CWH43: variants seen among roughly 807,000 people sequenced by gnomAD.
CWH43 encodes the protein cell wall biogenesis 43 C-terminal homolog.
Under a neutral mutation model 85.7 loss-of-function variants are expected in CWH43, and 91 were observed. The ratio of observed to expected loss-of-function variants is 1.06; its 90% CI spans 0.90 to 1.26. CWH43 has a LOEUF of 1.26. Ranked by LOEUF, CWH43 falls within the 50% of genes most tolerant of loss-of-function variation. The probability of loss-of-function intolerance (pLI) is 0.00; values close to 1 mark genes in which losing one functional copy is unlikely to be tolerated. For missense variants in CWH43, 869 were observed against 839.2 expected, an observed-to-expected ratio of 1.04 and a Z score of -0.44; for synonymous variants, 323 against 293.6, an observed-to-expected ratio of 1.10 and a Z score of -1.02.
chr4:49,052,633 T>G (rs1202894099), intron 15 of CWH43, among the ~76,000 whole-genome samples: 3 of 152,140 alleles, frequency 2.0e-5, no homozygotes, highest in Non-Finnish European at 4.4e-5. Flanking sequence ...CCAAATAAAA[T>G]ATTTTTGGCT....
chr4:49,019,133 C>G (rs1298522742), intron 9 of CWH43, among the ~76,000 whole-genome samples: 1 of 152,132 alleles, frequency 6.6e-6, no homozygotes, highest in African/African-American at 2.4e-5. Flanking sequence ...ACAAGTTGGA[C>G]AAGAACCTGC....
At chr4:49,041,710 T>C (rs965628466) in intron 13 of CWH43, among the ~76,000 whole-genome samples, 25 of 152,302 alleles carry the variant, frequency 1.6e-4, no homozygotes, top group African/African-American at 6.0e-4. Context: ...TTGGAATCTG[T>C]GTTCTACCTT....
rs764845594 is a variant in CWH43 at position 49,032,654 on chromosome 4, T to A, written c.1597T>A (p.Leu533Met). 1.2e-6 allele frequency: 2 copies of A among 1,610,064 alleles called. No homozygotes were observed. The highest frequency in any genetic ancestry group is 1.7e-5 in the Admixed American group (1 of 59,542). The change falls in exon 12 of 16, where the codon TTG becomes ATG. Residue 533 changes from leucine (L) to methionine (M), a missense_variant. By Grantham distance (15) the Leu-to-Met change is conservative (BLOSUM62 2). This residue lies in a region of CWH43 where 577 missense variants were observed against 513.1 expected (regional missense o/e 1.12). Coordinates refer to ENST00000226432, the MANE Select transcript of CWH43 (RefSeq NM_025087.3). ...PEGEIAPAIT[L>M]TVNISGKLVD... ...GGGCGAGATCGCACCAGCCATCACA[T>A]TGACCGTTAACATTTCGGGCAAGCT...
chr4:49,046,754 GTAGAGTGAGAGAAGTGA>G (rs981619069), intron 14 of CWH43, among the ~76,000 whole-genome samples: 5 of 152,164 alleles, frequency 3.3e-5, no homozygotes, highest in African/African-American at 1.2e-4. Context: ...TGTCGCTGGA[GTAGAGTGAGAGAAGTGA>G]TGTGAGTATG....
In CWH43 at chr4:49,050,893, C is replaced by A. The variant is rs551388812; in HGVS notation, c.2021+44C>A. 2.7e-5 allele frequency: 38 copies of A among 1,425,374 alleles called. 1 individual carries two copies. The South Asian group carries it at 4.4e-4, about 17-fold the overall frequency. The allele number at this position is 1,425,374 out of a possible 1,614,324, so 88.3% of individuals were successfully genotyped here. A position where few individuals can be genotyped will look rare whatever the true frequency, so the allele number is the denominator to read the frequency against. ...TAGTTCCAGTTATGAGCTACTGCATCCCTCTATGGAACCTACATATTACCT... is the reference window on the plus strand; with the variant it reads ...TAGTTCCAGTTATGAGCTACTGCATACCTCTATGGAACCTACATATTACCT... On this transcript the variant is annotated intron_variant, in intron 15 of 15. Coordinates refer to ENST00000226432, the MANE Select transcript of CWH43 (RefSeq NM_025087.3).
chr4:48,993,181 C>T (rs1192555233), intron 4 of CWH43, among the ~76,000 whole-genome samples: 1 of 152,226 alleles, frequency 6.6e-6, no homozygotes, highest in African/African-American at 2.4e-5. Context: ...TCACCCTGCA[C>T]CTTCTCAGCC....
chr4:49,006,193 A>G (rs1220733561), intron 7 of CWH43, among the ~76,000 whole-genome samples: 1 of 152,174 alleles, frequency 6.6e-6, no homozygotes, highest in Non-Finnish European at 1.5e-5. Context: ...TGAGAAAAAA[A>G]CAAATGAAAG....
At chr4:49,043,499 T>C (rs1784531144) in intron 13 of CWH43, among the ~76,000 whole-genome samples, 1 of 152,226 alleles carries the variant, frequency 6.6e-6, no homozygotes, top group Non-Finnish European at 1.5e-5. Flanking sequence ...GATCAAAAGC[T>C]GTGTCAAAAT....
chr4:49,021,599 T>C (rs1783752719), intron 9 of CWH43, among the ~76,000 whole-genome samples: 1 of 152,132 alleles, frequency 6.6e-6, no homozygotes, highest in Non-Finnish European at 1.5e-5. Context: ...GATGGTGGTA[T>C]TTTAATGGGA....
At position 49,017,455 on chromosome 4, in the gene CWH43, C is replaced by T. The variant is rs182815939; in HGVS notation, c.1266+127C>T. 72 of 596,898 alleles carry T rather than the reference C, an allele frequency of 1.2e-4. No homozygotes were observed. The African/African-American group carries it at 1.3e-3, about 11-fold the overall frequency. 37.0% of individuals were successfully genotyped at this position (596,898 alleles called of 1,614,324 possible). A position where few individuals can be genotyped will look rare whatever the true frequency, so the allele number is the denominator to read the frequency against. On this transcript the variant is annotated intron_variant, in intron 9 of 15. Coordinates refer to ENST00000226432, the MANE Select transcript of CWH43 (RefSeq NM_025087.3). Reference sequence around the variant, plus strand: ...AGAGCCCTGGGCCCTATCTCCTTAACCCTTATGTGCCAGACTGATAAGATA... The same window carrying T: ...AGAGCCCTGGGCCCTATCTCCTTAATCCTTATGTGCCAGACTGATAAGATA...
chr4:48,997,244 A>G (rs1444859064), intron 5 of CWH43, among the ~76,000 whole-genome samples: 2 of 146,140 alleles, frequency 1.4e-5, no homozygotes, highest in Non-Finnish European at 3.0e-5. Flanking sequence ...TTTTTTGTAG[A>G]GGCAAGGTCT....
chr4:49,042,808 G>C (rs1187480365), intron 13 of CWH43, among the ~76,000 whole-genome samples: 2 of 152,186 alleles, frequency 1.3e-5, no homozygotes, highest in Non-Finnish European at 2.9e-5. Flanking sequence ...TGGAAAGTGT[G>C]TAATCACAGA....
chr4:49,043,295 T>C (rs945191331), intron 13 of CWH43, among the ~76,000 whole-genome samples: 2 of 152,154 alleles, frequency 1.3e-5, no homozygotes, highest in Non-Finnish European at 2.9e-5. Context: ...CGTAAGTACA[T>C]GGTCTATGAA....
chr4:49,039,392 T>TAC (rs386400034), intron 13 of CWH43, among the ~76,000 whole-genome samples: 2 of 96,436 alleles, frequency 2.1e-5, no homozygotes, highest in Non-Finnish European at 4.4e-5. Context: ...GATATATATA[T>TAC]ACACACTGAT....
chr4:49,036,286 C>T (rs1784260327), intron 12 of CWH43, among the ~76,000 whole-genome samples: 1 of 152,166 alleles, frequency 6.6e-6, no homozygotes, highest in Admixed American at 6.6e-5. Context: ...GTCAGCCTCT[C>T]AGGGCATAGA....
intron 14 of CWH43, among the ~76,000 whole-genome samples, chr4:49,046,848 C>T (rs1269084308): frequency 1.3e-5 from 2 of 152,122 alleles, no homozygotes; most frequent in African/African-American, 4.8e-5. Flanking sequence ...AAAGTTCTTC[C>T]ACAGAGGGAA....
At position 49,030,855 on chromosome 4, in the gene CWH43, A is replaced by T; in HGVS notation, c.1403A>T (p.Asp468Val). The T allele has an allele frequency of 1.3e-6, 2 of 1,590,540 alleles. No homozygotes were observed. The highest frequency in any genetic ancestry group is 8.5e-7 in the Non-Finnish European group (1 of 1,172,478). Residue 468 changes from aspartate to valine, a missense_variant, in exon 11 of 16, where the codon GAT becomes GTT. Asp to Val is a radical substitution (Grantham distance 152). Transcript: ENST00000226432. ...GATTTCATAACAATTTTGGAGAGTG[A>T]TGCTTCTAAGCCCTATATGGGGAAC... ...GADFITILES[D>V]ASKPYMGNND...
intron 9 of CWH43, among the ~76,000 whole-genome samples, chr4:49,024,913 G>C (rs939088339): frequency 2.0e-5 from 3 of 151,956 alleles, no homozygotes; most frequent in African/African-American, 7.3e-5. Context: ...GCAAGGCTAG[G>C]GAAGTTCTCC....
chr4:49,036,600 C>T (rs1784268564), intron 12 of CWH43, among the ~76,000 whole-genome samples: 1 of 152,184 alleles, frequency 6.6e-6, no homozygotes, highest in Non-Finnish European at 1.5e-5. Context: ...CATGTATTAG[C>T]TACCTTTCTA....
Sources: allele counts gnomAD v4.1 joint callset (sites outside exome capture counted in the v4.1 genomes callset), GRCh38; gene constraint gnomAD v4.1.1; regional missense constraint gnomAD v4.1.1; transcripts MANE v1.5; gene names NCBI Gene and HGNC (gene_info 2026-07-23, HGNC 2026-07-21).